Variants in ADAM8 observed in about 807,000 individuals in gnomAD.
ADAM8 encodes ADAM metallopeptidase domain 8.
A neutral mutation model predicts 102.4 loss-of-function variants in ADAM8; 104 were observed. The observed-to-expected ratio is 1.02, with a 90% CI of 0.87 to 1.20. ADAM8 has a LOEUF of 1.20. Ranked by LOEUF, ADAM8 falls within the 50% of genes most tolerant of loss-of-function variation. ADAM8 has a pLI of 0.00. For missense variants in ADAM8, 1,132 were observed against 1,159.0 expected (o/e 0.98, Z 0.34); for synonymous variants, 517 against 485.2 (o/e 1.07, Z -0.86).
chr10:133,269,318 TG>T (rs1357780257), intron 18 of ADAM8, 126 bp downstream of exon 18: 3 of 1,260,506 alleles, frequency 2.4e-6, no homozygotes, highest in Non-Finnish European at 2.1e-6. Context: ...TGTGTGTCGA[TG>T]CCTGTGGCAG....
At chr10:133,263,603 C>A in intron 22 of ADAM8, 85 bp downstream of exon 22, 2 of 52,766 alleles carry the variant, frequency 3.8e-5, no homozygotes, top group Non-Finnish European at 5.9e-5. Context: ...CCCCACCCTC[C>A]AGGGCAGTGC....
rs372927486 is a variant in ADAM8, at chr10:133,270,916, G to A, written c.1529C>T (p.Thr510Ile). ...GAAGGCCTGGCACTGCTGGGCCAGT[G>A]TGGGACAGGCCCCGTTGTAGCAGTA... is the stretch of plus-strand genomic sequence containing the variant. ...GGYCYNGACP[T>I]LAQQCQAFWG... The change falls in exon 14 of 23, where the codon ACA (threonine) becomes ATA (isoleucine). Residue 510 changes from threonine to isoleucine, a missense_variant. Thr to Ile is a moderately conservative substitution (Grantham distance 89). Transcript: ENST00000445355. 6.2e-7 allele frequency: 1 copy of A among 1,612,494 alleles called. No homozygotes were observed. The highest frequency in any genetic ancestry group is 1.3e-5 in the African/African-American group (1 of 74,934).
chr10:133,274,157 A>G lies in ADAM8; in HGVS notation c.227+2T>C. 6.3e-7 allele frequency: 1 copy of G among 1,585,348 alleles called. No homozygotes were observed. Among genetic ancestry groups the G allele is most frequent in the Admixed American group, 1.7e-5 (1 of 57,372 alleles). On this transcript the variant is annotated splice_donor_variant, in intron 3 of 22. Coordinates refer to ENST00000445355, the MANE Select transcript of ADAM8 (RefSeq NM_001109.5). LOFTEE classifies it high-confidence loss of function. Reference sequence around the variant, plus strand: ...AGGGGGGCCGACCCGAGACCCACTCACCTGTTCTTCCGCAGGTGGAGGGTG... The same window carrying G: ...AGGGGGGCCGACCCGAGACCCACTCGCCTGTTCTTCCGCAGGTGGAGGGTG...
intron 21 of ADAM8, among the ~76,000 whole-genome samples, chr10:133,266,452 C>A (rs889074139): frequency 1.3e-5 from 2 of 152,182 alleles, no homozygotes; most frequent in East Asian, 3.8e-4. Context: ...AGGGCAGGGG[C>A]TCTCCTGCCC....
chr10:133,275,347 C>A, intron 2 of ADAM8, 137 bp downstream of exon 2: 1 of 633,112 alleles, frequency 1.6e-6, no homozygotes, highest in African/African-American at 1.9e-5. Flanking sequence ...CGGAGATGGG[C>A]CCCAGGGGGC....
Position 133,272,504 on chromosome 10 carries a change from C to G in ADAM8, c.787G>C (p.Asp263His). The change falls in exon 9 of 23, where the codon GAC becomes CAC. Residue 263 changes from aspartate to histidine, a missense_variant. Physicochemically the swap from Asp to His is moderately conservative, Grantham distance 81. Transcript: ENST00000445355. Reference sequence around the variant, plus strand: ...AGGTTCTCCAGTGTGACACTGGGGTCGGGGCTGACGTGGAACCTGTCCTGA... The same window carrying G: ...AGGTTCTCCAGTGTGACACTGGGGTGGGGGCTGACGTGGAACCTGTCCTGA... ...NSQDRFHVSP[D>H]PSVTLENLLT... 6.2e-7 allele frequency: 1 copy of G among 1,612,208 alleles called. No individual in the cohort carries two copies. The highest frequency in any genetic ancestry group is 8.5e-7 in the Non-Finnish European group (1 of 1,179,862).
rs765807396 is a variant in ADAM8, at chr10:133,267,916, G to A, written c.2253+13C>T. The A allele has an allele frequency of 2.4e-6, 3 of 1,260,052 alleles. No homozygotes were observed. The highest frequency in any genetic ancestry group is 3.1e-5 in the African/African-American group (2 of 64,692). The allele number at this position is 1,260,052 out of a possible 1,614,324, so 78.1% of individuals were successfully genotyped here. A position where few individuals can be genotyped will look rare whatever the true frequency, so the allele number is the denominator to read the frequency against. ...GCTTTCGGCCTCATGAACCCGCCAG[G>A]GGTGGTGCTTACAGCAGGGGGCGGC... On this transcript the variant is annotated intron_variant, in intron 20 of 22. Coordinates refer to ENST00000445355, the MANE Select transcript of ADAM8 (RefSeq NM_001109.5).
chr10:133,275,725 G>T, intron 1 of ADAM8, 138 bp from the exon 2 acceptor site: 1 of 549,936 alleles, frequency 1.8e-6, no homozygotes, highest in South Asian at 2.6e-5. Context: ...CTGGGACAAA[G>T]ACTCAAGTGA....
intron 20 of ADAM8, 76 bp from the exon 21 acceptor site, chr10:133,267,493 C>T (rs942754008): frequency 7.0e-7 from 1 of 1,423,110 alleles, no homozygotes; most frequent in African/African-American, 1.4e-5. Flanking sequence ...GCTCCAGGAT[C>T]CGAGGTTCCT....
chr10:133,274,598 C>T (rs1442411807), intron 2 of ADAM8, among the ~76,000 whole-genome samples: 3 of 152,094 alleles, frequency 2.0e-5, no homozygotes, highest in Middle Eastern at 3.4e-3. Flanking sequence ...CGGTGCTCCT[C>T]GGTCCTCCCA....
At chr10:133,275,235 C>T (rs552348817) in intron 2 of ADAM8, among the ~76,000 whole-genome samples, 1 of 152,140 alleles carries the variant, frequency 6.6e-6, no homozygotes, top group East Asian at 1.9e-4. Context: ...TGGGGAGGGG[C>T]CCGGGGCCAG....
Position 133,271,798 on chromosome 10 carries a change from C to T in ADAM8, c.1106+8G>A, listed in dbSNP as rs7071341. On this transcript the variant is annotated splice_region_variant and intron_variant, in intron 11 of 22. Coordinates refer to ENST00000445355, the MANE Select transcript of ADAM8 (RefSeq NM_001109.5). Reference sequence around the variant, plus strand: ...ATACCCTGGCTCTGCAGGGCCTGGCCGCCTCACCCAATGCTGCCCGCCATG... The same window carrying T: ...ATACCCTGGCTCTGCAGGGCCTGGCTGCCTCACCCAATGCTGCCCGCCATG... 13,867 of 1,609,388 alleles carry T rather than the reference C, an allele frequency of 8.6e-3. 617 individuals carry two copies. The African/African-American group carries it at 0.12, about 14-fold the overall frequency.
chr10:133,273,254 C>T lies in ADAM8; in HGVS notation c.573G>A (p.Gly191=). Residue 191 remains glycine, a splice_region_variant and synonymous_variant, in exon 6 of 23, where the codon GGG becomes GGA. Coordinates refer to ENST00000445355, the MANE Select transcript of ADAM8 (RefSeq NM_001109.5). ...AAACACAGGAGACAAGGGTGCTCAC[C>T]CCGGGCCGAGGCCTGAAGACGGCTG... ...RTAAVFRPRP[G]DSLPSRETRY... is the part of the protein sequence containing the mutation. 1 of 1,602,238 alleles carries T rather than the reference C, an allele frequency of 6.2e-7. No individual in the cohort carries two copies. The highest frequency in any genetic ancestry group is 8.5e-7 in the Non-Finnish European group (1 of 1,175,730).
rs745360091 is a variant in ADAM8 at position 133,273,285 on chromosome 10, C to T, written c.542G>A (p.Arg181Gln). 2.3e-5 allele frequency: 36 copies of T among 1,598,828 alleles called. No individual in the cohort carries two copies. The highest frequency in any genetic ancestry group is 1.0e-4 in the South Asian group (9 of 89,318). The change falls in exon 6 of 23, where the codon CGG becomes CAG. Residue 181 changes from arginine (R) to glutamine (Q), a missense_variant. Coordinates refer to ENST00000445355, the MANE Select transcript of ADAM8 (RefSeq NM_001109.5). ...CCGAGGCCTGAAGACGGCTGCCGTC[C>T]GGGGTCCCAGGAGGCTGCCCAGGCT... ...DDSLGSLLGP[R>Q]TAAVFRPRPG...
In ADAM8 at chr10:133,275,528, G is replaced by A. The variant is rs377743705; in HGVS notation, c.106C>T (p.Arg36Cys). The A allele has an allele frequency of 2.9e-5, 45 of 1,527,296 alleles. No individual in the cohort carries two copies. The African/African-American group carries it at 5.3e-4, about 18-fold the overall frequency. The allele number at this position is 1,527,296 out of a possible 1,614,324, so 94.6% of individuals were successfully genotyped here. The part of the protein sequence containing the change: ...MEQYEVVLPW[R>C]LPGPRVRRAL... ...CGGCGGACTCGGGGGCCTGGCAGACGCCACGGCAACACGACCTCATACTGC... is the reference window on the plus strand; with the variant it reads ...CGGCGGACTCGGGGGCCTGGCAGACACCACGGCAACACGACCTCATACTGC... Residue 36 changes from arginine (R) to cysteine (C), a missense_variant, in exon 2 of 23, where the codon CGT (arginine) becomes TGT (cysteine). Arg to Cys is a radical substitution (Grantham distance 180, BLOSUM62 -3). Transcript: ENST00000445355.
intron 20 of ADAM8, 61 bp from the exon 21 acceptor site, chr10:133,267,478 C>T (rs1161257981): frequency 1.3e-6 from 2 of 1,485,694 alleles, no homozygotes; most frequent in Non-Finnish European, 1.8e-6. Context: ...CCTCCAGCAC[C>T]CCCAGCTCCA....
chr10:133,272,393 C>A (rs775073192), intron 9 of ADAM8, 23 bp downstream of exon 9: 28 of 1,540,814 alleles, frequency 1.8e-5, no homozygotes, highest in Middle Eastern at 2.4e-4. Flanking sequence ...GCCCTCCCCA[C>A]CCTGCCCGCT....
intron 1 of ADAM8, 146 bp from the exon 2 acceptor site, chr10:133,275,733 T>A (rs933730716): frequency 1.8e-6 from 1 of 543,924 alleles, no homozygotes; most frequent in East Asian, 3.5e-5. Flanking sequence ...AAGACTCAAG[T>A]GAGGGTTCTG....
At position 133,273,291 on chromosome 10, in the gene ADAM8, C is replaced by G. The variant is rs775455872; in HGVS notation, c.536G>C (p.Gly179Ala). The change falls in exon 6 of 23, where the codon GGA becomes GCA. Residue 179 changes from glycine (G) to alanine (A), a missense_variant. Gly to Ala is a moderately conservative substitution (Grantham distance 60, BLOSUM62 0). Coordinates refer to ENST00000445355, the MANE Select transcript of ADAM8 (RefSeq NM_001109.5). ...VSDDSLGSLLGPRTAAVFRPR... is the reference protein window; with the variant it reads ...VSDDSLGSLLAPRTAAVFRPR... ...CCTGAAGACGGCTGCCGTCCGGGGT[C>G]CCAGGAGGCTGCCCAGGCTGTCGTC... is the stretch of plus-strand genomic sequence containing the variant. 5.6e-6 allele frequency: 9 copies of G among 1,597,400 alleles called. No homozygotes were observed. Among genetic ancestry groups the G allele is most frequent in the African/African-American group, 2.7e-5 (2 of 74,608 alleles).
Sources: allele counts gnomAD v4.1 joint callset (sites outside exome capture counted in the v4.1 genomes callset), GRCh38; gene constraint gnomAD v4.1.1; transcripts MANE v1.5; gene names NCBI Gene and HGNC (gene_info 2026-07-23, HGNC 2026-07-21).